Variants in TPTE2 observed in about 807,000 individuals in gnomAD.
The protein encoded by TPTE2 is transmembrane phosphoinositide 3-phosphatase and tensin homolog 2.
Under a neutral mutation model 78.6 loss-of-function variants are expected in TPTE2, and 53 were observed. The ratio of observed to expected loss-of-function variants is 0.67; its 90% CI spans 0.54 to 0.85. The LOEUF is 0.85. Among genes scored for constraint, TPTE2 ranks in the 40% least tolerant of loss-of-function variants. TPTE2 has a pLI of 0.00. For synonymous variants in TPTE2, 175 were observed against 206.2 expected, an observed-to-expected ratio of 0.85 and a Z score of 1.30; for missense variants, 461 against 623.0, an observed-to-expected ratio of 0.74 and a Z score of 2.77.
At chr13:19,507,125 C>T (rs767962729), upstream of TPTE2, among the ~76,000 whole-genome samples, 6 of 152,140 alleles carry the variant, frequency 3.9e-5, no homozygotes, top group African/African-American at 1.4e-4. Flanking sequence ...CCATTATAGG[C>T]TAGTGATATC....
rs374777334 is a variant in TPTE2 at position 19,523,114 on chromosome 13, T to C, written c.-44+13482A>G. On this transcript the variant is annotated intron_variant, in intron 1 of 17. Coordinates refer to the TPTE2 transcript ENST00000390680. ...CCTTGGACCTCCTAGTCAGGTCACG[T>C]AATGACGTTTCTCTGGGAATAAGGC... 1.6e-3 allele frequency among the ~76,000 whole-genome samples: 249 copies of C among 152,286 alleles called. 9 individuals are homozygous for C. The South Asian group carries it at 0.05, about 30-fold the overall frequency.
intron 6 of TPTE2, among the ~76,000 whole-genome samples, chr13:19,473,322 A>G (rs1362587255): frequency 1.3e-5 from 2 of 152,296 alleles, no homozygotes; most frequent in East Asian, 3.9e-4. Context: ...CTCCAGGTGG[A>G]TCCAAAGGTG....
At chr13:19,501,569 T>C (rs1335580921) in intron 1 of TPTE2, among the ~76,000 whole-genome samples, 1 of 151,388 alleles carries the variant, frequency 6.6e-6, no homozygotes, top group South Asian at 2.1e-4. Flanking sequence ...CCCTATTTAA[T>C]AAATGGTGCT....
intron 1 of TPTE2, among the ~76,000 whole-genome samples, chr13:19,498,878 A>C (rs576997957): frequency 3.9e-4 from 60 of 152,328 alleles, no homozygotes; most frequent in Non-Finnish European, 7.3e-4. Flanking sequence ...GTCAAGACCC[A>C]TCAGTGTGCT....
chr13:19,496,760 GA>G (rs1881338237), intron 1 of TPTE2, among the ~76,000 whole-genome samples: 1 of 152,146 alleles, frequency 6.6e-6, no homozygotes, highest in African/African-American at 2.4e-5. Context: ...CAGGAAATCT[GA>G]GTCCTTTAAG....
intron 14 of TPTE2, among the ~76,000 whole-genome samples, chr13:19,436,700 C>G (rs562170595): frequency 6.6e-6 from 1 of 152,264 alleles, no homozygotes; most frequent in South Asian, 2.1e-4. Flanking sequence ...CAGGCATGAG[C>G]CACCCATGCC....
intron 13 of TPTE2, among the ~76,000 whole-genome samples, chr13:19,440,768 AAAAC>A (rs1256387084): frequency 5.3e-5 from 8 of 151,706 alleles, no homozygotes; most frequent in Admixed American, 3.9e-4. Context: ...CTCCATCTCA[AAAAC>A]AAACAAGCAA....
At chr13:19,471,210 GT>G (rs764650006) in intron 6 of TPTE2, among the ~76,000 whole-genome samples, 26 of 152,176 alleles carry the variant, frequency 1.7e-4, no homozygotes, top group Non-Finnish European at 3.5e-4. Context: ...ACCTGGATGT[GT>G]CTTGTTCTTT....
chr13:19,438,890 T>TAA (rs1467507434), intron 13 of TPTE2, among the ~76,000 whole-genome samples: 16 of 152,004 alleles, frequency 1.1e-4, no homozygotes, highest in African/African-American at 2.9e-4. Context: ...AGCCTCAGGG[T>TAA]GTGAGAGAGG....
chr13:19,545,220 A>G, the TPTE2 span, among the ~76,000 whole-genome samples: 121,258 of 151,760 alleles, frequency 0.8, 49,624 homozygotes, highest in East Asian at 0.96. Context: ...AAGACAAGAA[A>G]CAAAAAGGCT....
At chr13:19,521,696 G>A (rs1870161759) in intron 1 of TPTE2, among the ~76,000 whole-genome samples, 1 of 151,916 alleles carries the variant, frequency 6.6e-6, no homozygotes, top group Non-Finnish European at 1.5e-5. Context: ...CAATTAACAT[G>A]TTGATTTATA....
At chr13:19,490,273 TA>T (rs1345226740) in intron 3 of TPTE2, among the ~76,000 whole-genome samples, 1 of 152,200 alleles carries the variant, frequency 6.6e-6, no homozygotes, top group African/African-American at 2.4e-5. Flanking sequence ...ATTCAATAGC[TA>T]AAGGATTAAA....
intron 6 of TPTE2, among the ~76,000 whole-genome samples, chr13:19,472,636 A>G (rs558360130): frequency 6.6e-6 from 1 of 152,308 alleles, no homozygotes; most frequent in South Asian, 2.1e-4. Flanking sequence ...AAGGTCACAT[A>G]TATCTGTTTC....
the TPTE2 span, among the ~76,000 whole-genome samples, chr13:19,555,803 C>CTTTTT: frequency 1.0e-3 from 81 of 81,056 alleles, 2 homozygotes; most frequent in African/African-American, 3.0e-3. Context: ...CAACAAATTT[C>CTTTTT]TTTTTTTTTT....
intron 10 of TPTE2, among the ~76,000 whole-genome samples, chr13:19,461,751 A>G (rs2137555934): frequency 6.6e-6 from 1 of 152,290 alleles, no homozygotes; most frequent in Admixed American, 6.5e-5. Context: ...TTATTATAAA[A>G]TGACTTTCTT....
chr13:19,542,978 CAA>C, the TPTE2 span, among the ~76,000 whole-genome samples: 1 of 138,344 alleles, frequency 7.2e-6, no homozygotes, highest in Non-Finnish European at 1.6e-5. Context: ...GACTCTGTCT[CAA>C]AAAAAAAAAA....
intron 18 of TPTE2, chr13:19,425,840 T>A: frequency 3.9e-6 from 2 of 517,662 alleles, no homozygotes; most frequent in South Asian, 2.8e-5. Context: ...CTCTCTGGAA[T>A]TAATAAAAAA....
At chr13:19,557,401 G>A in the TPTE2 span, among the ~76,000 whole-genome samples, 263 of 152,268 alleles carry the variant, frequency 1.7e-3, no homozygotes, top group African/African-American at 6.1e-3. Context: ...CCCAGCTGAG[G>A]AGCAGGGATC....
chr13:19,537,983 A>T (rs1046513269), upstream of TPTE2, among the ~76,000 whole-genome samples: 1 of 152,188 alleles, frequency 6.6e-6, no homozygotes, highest in African/African-American at 2.4e-5. Flanking sequence ...GTAGATTCAT[A>T]AATGGTACTT....
Sources: allele counts gnomAD v4.1 joint callset (sites outside exome capture counted in the v4.1 genomes callset), GRCh38; gene constraint gnomAD v4.1.1; transcripts MANE v1.5; gene names NCBI Gene and HGNC (gene_info 2026-07-23, HGNC 2026-07-21).